The following GRM1 variants were observed in gnomAD, a reference collection of about 807,000 sequenced individuals.
The protein encoded by GRM1 is metabotropic glutamate receptor 1.
GRM1 carries 33 observed loss-of-function variants against 90.9 expected under a neutral mutation model. The observed-to-expected ratio is 0.36, with a 90% CI of 0.28 to 0.49. The LOEUF (loss-of-function observed/expected upper bound fraction) is 0.49. Among genes scored for constraint, GRM1 ranks in the 20% least tolerant of loss-of-function variants. The pLI, the probability that GRM1 is intolerant of heterozygous loss-of-function variation, is 0.99. For missense variants in GRM1, 1,190 were observed against 1,534.3 expected, an observed-to-expected ratio of 0.78 and a Z score of 3.75; for synonymous variants, 700 against 613.2, an observed-to-expected ratio of 1.14 and a Z score of -2.09.
Position 146,040,319 on chromosome 6 carries a change from C to T in GRM1, c.700+10102C>T, listed in dbSNP as rs117003359. Among the ~76,000 whole-genome samples the T allele has an allele frequency of 4.0e-3, 609 of 152,030 alleles. 18 individuals are homozygous for T. The East Asian group carries it at 0.071, about 18-fold the overall frequency. On this transcript the variant is annotated intron_variant, in intron 1 of 7. Coordinates refer to ENST00000282753, the MANE Select transcript of GRM1 (RefSeq NM_001278064.2). ...CTGTGTAATTTATATGCCACAACAACAGTGTTAGAATGTTCTGAATTTTTA... is the reference window on the plus strand; with the variant it reads ...CTGTGTAATTTATATGCCACAACAATAGTGTTAGAATGTTCTGAATTTTTA...
chr6:146,417,149 T>C (rs1250630682), intron 7 of GRM1, among the ~76,000 whole-genome samples: 1 of 152,178 alleles, frequency 6.6e-6, no homozygotes, highest in East Asian at 1.9e-4. Context: ...GTATCAAGAA[T>C]CATCAAAAAT....
At chr6:146,100,405 A>G (rs562305943) in intron 1 of GRM1, among the ~76,000 whole-genome samples, 2 of 151,902 alleles carry the variant, frequency 1.3e-5, no homozygotes, top group Non-Finnish European at 2.9e-5. Flanking sequence ...ATTTACTTTT[A>G]CTCTCTCCTC....
chr6:146,419,678 C>T (rs747493603), intron 7 of GRM1, among the ~76,000 whole-genome samples: 4 of 152,012 alleles, frequency 2.6e-5, no homozygotes, highest in East Asian at 1.9e-4. Flanking sequence ...TGGCAGAAGG[C>T]GAAGGGAAAG....
chr6:146,396,104 CGTCTATATA>C (rs1776923410), intron 6 of GRM1, among the ~76,000 whole-genome samples: 1 of 146,896 alleles, frequency 6.8e-6, no homozygotes, highest in Admixed American at 6.8e-5. Flanking sequence ...ATCTATCTAT[CGTCTATATA>C]TATATATTTA....
At chr6:146,066,173 G>C (rs1775840584) in intron 1 of GRM1, among the ~76,000 whole-genome samples, 1 of 152,170 alleles carries the variant, frequency 6.6e-6, no homozygotes, top group Non-Finnish European at 1.5e-5. Flanking sequence ...ACCTAGGTAA[G>C]AGAGTATATT....
chr6:146,067,023 G>A (rs919154256), intron 1 of GRM1, among the ~76,000 whole-genome samples: 1 of 152,114 alleles, frequency 6.6e-6, no homozygotes, highest in African/African-American at 2.4e-5. Flanking sequence ...AACCACATAA[G>A]TATAATCCAT....
intron 1 of GRM1, among the ~76,000 whole-genome samples, chr6:146,152,923 A>T (rs1007572095): frequency 6.6e-6 from 1 of 152,126 alleles, no homozygotes; most frequent in East Asian, 1.9e-4. Context: ...TTTCTTTCAG[A>T]GCTACAGATA....
intron 1 of GRM1, among the ~76,000 whole-genome samples, chr6:146,032,554 C>T (rs1189295730): frequency 6.6e-6 from 1 of 152,162 alleles, no homozygotes; most frequent in African/African-American, 2.4e-5. Context: ...AGTAATTTTA[C>T]TGCTTTCAGA....
intron 1 of GRM1, among the ~76,000 whole-genome samples, chr6:146,057,785 C>G (rs539929955): frequency 6.6e-6 from 1 of 152,190 alleles, no homozygotes; most frequent in African/African-American, 2.4e-5. Flanking sequence ...GAATCAAACT[C>G]AGAATCTCAG....
intron 1 of GRM1, among the ~76,000 whole-genome samples, chr6:146,138,771 CT>C (rs1776724746): frequency 1.3e-5 from 2 of 152,038 alleles, no homozygotes; most frequent in East Asian, 3.9e-4. Context: ...TTTCAAAGAA[CT>C]AACTTTTTAT....
At chr6:146,063,649 A>G (rs575123683) in intron 1 of GRM1, among the ~76,000 whole-genome samples, 11 of 152,014 alleles carry the variant, frequency 7.2e-5, no homozygotes, top group Non-Finnish European at 1.3e-4. Context: ...TTAATTCCGT[A>G]TGCACAGTGA....
chr6:146,092,729 C>T (rs1776754692), intron 1 of GRM1, among the ~76,000 whole-genome samples: 1 of 152,040 alleles, frequency 6.6e-6, no homozygotes, highest in Non-Finnish European at 1.5e-5. Context: ...GAAGCCTGGC[C>T]CCTGCTGCAT....
Position 146,093,943 on chromosome 6 carries a change from G to A in GRM1, c.700+63726G>A, listed in dbSNP as rs972877363. Among the ~76,000 whole-genome samples the A allele has an allele frequency of 1.2e-4, 19 of 152,076 alleles. No individual in the cohort carries two copies. The East Asian group carries it at 2.9e-3, about 23-fold the overall frequency. ...AGTCTCAGAGTTCATATCATATCAGGCCTCCTAAAATATAGTAAGAAAATG... is the reference window on the plus strand; with the variant it reads ...AGTCTCAGAGTTCATATCATATCAGACCTCCTAAAATATAGTAAGAAAATG... On this transcript the variant is annotated intron_variant, in intron 1 of 7. Coordinates refer to ENST00000282753, the MANE Select transcript of GRM1 (RefSeq NM_001278064.2).
chr6:146,149,176 G>A (rs1017014402), intron 1 of GRM1, among the ~76,000 whole-genome samples: 2 of 152,164 alleles, frequency 1.3e-5, no homozygotes, highest in Non-Finnish European at 2.9e-5. Context: ...AAGACTCAAT[G>A]ACAGAGGCTG....
chr6:146,076,483 T>G (rs1014445528), intron 1 of GRM1, among the ~76,000 whole-genome samples: 1 of 152,124 alleles, frequency 6.6e-6, no homozygotes, highest in African/African-American at 2.4e-5. Context: ...ACTGGATGGA[T>G]TCTGGGTAGA....
chr6:146,186,843 G>A (rs533808214), intron 2 of GRM1, among the ~76,000 whole-genome samples: 76 of 152,272 alleles, frequency 5.0e-4, no homozygotes, highest in African/African-American at 1.8e-3. Context: ...TGGGCTATAG[G>A]GGTTATATTG....
At chr6:146,250,551 A>T (rs1367413595) in intron 2 of GRM1, among the ~76,000 whole-genome samples, 2 of 152,188 alleles carry the variant, frequency 1.3e-5, no homozygotes, top group African/African-American at 2.4e-5. Flanking sequence ...AGGCCACCCC[A>T]GCCATGCAGA....
rs375528095 is a variant in GRM1 at position 146,349,810 on chromosome 6, A to T, written c.1187-2440A>T. Among the ~76,000 whole-genome samples the T allele has an allele frequency of 1.5e-4, 23 of 152,344 alleles. No homozygotes were observed. The South Asian group carries it at 4.6e-3, about 30-fold the overall frequency. ...TAACTGTGAAATTAGTTAAAAAATAATGACATTCTACTGACTATTGTTTGT... is the reference window on the plus strand; with the variant it reads ...TAACTGTGAAATTAGTTAAAAAATATTGACATTCTACTGACTATTGTTTGT... On this transcript the variant is annotated intron_variant, in intron 3 of 7. Coordinates refer to ENST00000282753, the MANE Select transcript of GRM1 (RefSeq NM_001278064.2).
intron 2 of GRM1, among the ~76,000 whole-genome samples, chr6:146,175,855 A>G (rs1778321393): frequency 6.6e-6 from 1 of 152,154 alleles, no homozygotes; most frequent in Admixed American, 6.5e-5. Flanking sequence ...AAAAATATAT[A>G]GGTTGTATTT....
Sources: allele counts gnomAD v4.1 joint callset (sites outside exome capture counted in the v4.1 genomes callset), GRCh38; gene constraint gnomAD v4.1.1; transcripts MANE v1.5; gene names NCBI Gene and HGNC (gene_info 2026-07-23, HGNC 2026-07-21).